Variants in ZC3H12B observed in about 807,000 individuals in gnomAD.
ZC3H12B encodes zinc finger CCCH-type containing 12B.
In ZC3H12B, 7 loss-of-function variants were observed where a neutral mutation model predicts 43.9. That is an observed-to-expected ratio of 0.16 (90% CI 0.09 to 0.30). ZC3H12B has a LOEUF of 0.30. Among genes scored for constraint, ZC3H12B ranks in the 10% least tolerant of loss-of-function variants. ZC3H12B has a pLI of 1.00. For synonymous variants in ZC3H12B, 222 were observed against 241.7 expected (o/e 0.92, Z 0.76); for missense variants, 475 against 670.2 (o/e 0.71, Z 3.22).
At chrX:65,103,102 G>T in the ZC3H12B span, among the ~76,000 whole-genome samples, 1 of 111,156 alleles carries the variant, frequency 9.0e-6, no homozygotes, top group Non-Finnish European at 1.9e-5. Context: ...AATTTACTAG[G>T]CAGGAATTTC....
chrX:65,436,057 G>A (rs2067218147), intron 3 of ZC3H12B, among the ~76,000 whole-genome samples: 1 of 112,200 alleles, frequency 8.9e-6, no homozygotes, highest in African/African-American at 3.2e-5. Context: ...AGCATGGTTG[G>A]GGAGGCCTCA....
the ZC3H12B span, among the ~76,000 whole-genome samples, chrX:65,227,951 G>A: frequency 3.6e-5 from 4 of 111,378 alleles, no homozygotes; most frequent in Admixed American, 9.5e-5. Flanking sequence ...TTCTACCAGA[G>A]GTACAAGGAG....
chrX:65,041,032 C>G, the ZC3H12B span, among the ~76,000 whole-genome samples: 2 of 112,502 alleles, frequency 1.8e-5, no homozygotes, highest in African/African-American at 6.5e-5. Flanking sequence ...CCCACCTCGG[C>G]CTCCAAAAGT....
At chrX:65,339,957 C>T in the ZC3H12B span, among the ~76,000 whole-genome samples, 1 of 111,621 alleles carries the variant, frequency 9.0e-6, no homozygotes, top group Non-Finnish European at 1.9e-5. Context: ...TGACCTGTCA[C>T]TACTGCTGGT....
the ZC3H12B span, among the ~76,000 whole-genome samples, chrX:65,248,059 T>G: frequency 3.6e-5 from 4 of 111,512 alleles, no homozygotes; most frequent in Non-Finnish European, 7.5e-5. Context: ...AATTTTTTTT[T>G]TGTGGTGGAG....
intron 3 of ZC3H12B, among the ~76,000 whole-genome samples, chrX:65,424,759 A>G (rs1441114467): frequency 9.0e-6 from 1 of 111,475 alleles, no homozygotes; most frequent in African/African-American, 3.3e-5. Flanking sequence ...CAGGTTTGTC[A>G]AAGATCAGAT....
the ZC3H12B span, among the ~76,000 whole-genome samples, chrX:65,034,925 A>G: frequency 8.9e-6 from 1 of 112,383 alleles, no homozygotes; most frequent in African/African-American, 3.2e-5. Context: ...AGGGACTGGA[A>G]TCAGGCCTGG....
chrX:65,463,642 G>A (rs2067780734), intron 3 of ZC3H12B, among the ~76,000 whole-genome samples: 1 of 110,787 alleles, frequency 9.0e-6, no homozygotes, highest in Admixed American at 9.7e-5. Context: ...GCATTCCTAA[G>A]CTTGTAACTG....
At chrX:65,078,626 G>A in the ZC3H12B span, among the ~76,000 whole-genome samples, 1 of 111,957 alleles carries the variant, frequency 8.9e-6, no homozygotes, top group Non-Finnish European at 1.9e-5. Flanking sequence ...AGAGATCTCA[G>A]TGGAGGCTTG....
At chrX:65,388,419 C>A (rs1471652512) in intron 2 of ZC3H12B, among the ~76,000 whole-genome samples, 1 of 112,099 alleles carries the variant, frequency 8.9e-6, no homozygotes, top group Non-Finnish European at 1.9e-5. Context: ...ACTTTTTCTT[C>A]CAGTTGATCA....
chrX:65,346,274 A>T, the ZC3H12B span, among the ~76,000 whole-genome samples: 1 of 110,222 alleles, frequency 9.1e-6, no homozygotes, highest in African/African-American at 3.3e-5. Flanking sequence ...AAAAAAAAAA[A>T]ATACACATAG....
At chrX:65,496,599 A>T (rs1033808212) in intron 1 of ZC3H12B, among the ~76,000 whole-genome samples, 1 of 112,030 alleles carries the variant, frequency 8.9e-6, no homozygotes, top group African/African-American at 3.2e-5. Context: ...CAAATTTGTA[A>T]CAATTACATA....
chrX:65,280,784 C>A, the ZC3H12B span, among the ~76,000 whole-genome samples: 3 of 111,213 alleles, frequency 2.7e-5, no homozygotes, highest in African/African-American at 9.8e-5. Flanking sequence ...ATCTCATTTA[C>A]AATAGCTACC....
At chrX:65,471,819 A>C (rs2067918149) in intron 3 of ZC3H12B, among the ~76,000 whole-genome samples, 1 of 111,523 alleles carries the variant, frequency 9.0e-6, no homozygotes, top group Admixed American at 9.6e-5. Flanking sequence ...CATTTTATTC[A>C]ATGTGAATAT....
chrX:65,100,924 C>T, the ZC3H12B span, among the ~76,000 whole-genome samples: 6 of 111,664 alleles, frequency 5.4e-5, no homozygotes, highest in Non-Finnish European at 1.1e-4. Context: ...CTCTCCACCC[C>T]AAATCAGCAG....
chrX:65,448,387 C>A (rs2067409603), intron 3 of ZC3H12B, among the ~76,000 whole-genome samples: 1 of 112,295 alleles, frequency 8.9e-6, no homozygotes, highest in African/African-American at 3.2e-5. Context: ...AATCCCACTA[C>A]AGGGTATCTA....
the ZC3H12B span, among the ~76,000 whole-genome samples, chrX:65,216,658 C>A: frequency 5.1e-5 from 5 of 97,525 alleles, no homozygotes; most frequent in Admixed American, 9.9e-5. Flanking sequence ...TCACTTCACT[C>A]TTTCCCCACC....
the ZC3H12B span, among the ~76,000 whole-genome samples, chrX:65,242,512 T>C: frequency 8.9e-6 from 1 of 112,420 alleles, no homozygotes; most frequent in African/African-American, 3.2e-5. Context: ...AAATATTCTG[T>C]GTTAACAGAT....
intron 3 of ZC3H12B, among the ~76,000 whole-genome samples, chrX:65,475,340 G>A (rs1285983870): frequency 1.8e-5 from 2 of 111,241 alleles, no homozygotes; most frequent in Non-Finnish European, 3.8e-5. Flanking sequence ...GGCAGATCTA[G>A]TGGCAATGAA....
Sources: gnomAD v4.1 joint callset for allele counts (sites outside exome capture counted in the v4.1 genomes callset) on GRCh38, gnomAD v4.1.1 for gene constraint, MANE v1.5 for transcripts, NCBI Gene and HGNC (gene_info 2026-07-23, HGNC 2026-07-21) for gene names.